The following SERPINE3 variants were observed in gnomAD, a reference collection of about 807,000 sequenced individuals.
SERPINE3 encodes the protein serpin E3.
Under a neutral mutation model 41.7 loss-of-function variants are expected in SERPINE3, and 43 were observed. The ratio of observed to expected loss-of-function variants is 1.03; its 90% confidence interval spans 0.81 to 1.33. SERPINE3 has a LOEUF of 1.33. Ranked by LOEUF, SERPINE3 falls within the 40% of genes most tolerant of loss-of-function variation. SERPINE3 has a pLI of 0.00. For missense variants in SERPINE3, 440 were observed against 491.7 expected (o/e 0.89, Z 0.99); for synonymous variants, 200 against 192.2 (o/e 1.04, Z -0.34).
intron 3 of SERPINE3, among the ~76,000 whole-genome samples, chr13:51,342,673 A>G (rs1385108692): frequency 6.6e-6 from 1 of 152,162 alleles, no homozygotes; most frequent in Non-Finnish European, 1.5e-5. Context: ...CCTGGCCCAG[A>G]GAGGGTGGAA....
intron 3 of SERPINE3, among the ~76,000 whole-genome samples, chr13:51,343,660 G>A (rs1040298343): frequency 6.6e-6 from 1 of 152,180 alleles, no homozygotes; most frequent in Admixed American, 6.5e-5. Flanking sequence ...GGGATGGGAG[G>A]AGTTCTTACT....
At chr13:51,362,148 TAATGCTATAGG>T in intron 9 of SERPINE3, 2 of 1,063,808 alleles carry the variant, frequency 1.9e-6, no homozygotes, top group Non-Finnish European at 2.5e-6. Flanking sequence ...TTTTTTTTTT[TAATGCTATAGG>T]TTTCTACTTC....
In SERPINE3 at chr13:51,347,118, A is replaced by G; in HGVS notation, c.584A>G (p.Gln195Arg). The G allele has an allele frequency of 6.2e-7, 1 of 1,613,064 alleles. No individual in the cohort carries two copies. The highest frequency in any genetic ancestry group is 8.5e-7 in the Non-Finnish European group (1 of 1,179,558). ...GTGCTTGTGAGCACCATGTCCTTCC[A>G]AGGCACTTGGCGAAAGAGATTCTCC... ...QLVLVSTMSF[Q>R]GTWRKRFSST... The change falls in exon 5 of 10, where the codon CAA becomes CGA. Residue 195 changes from glutamine (Q) to arginine (R), a missense_variant. Coordinates refer to ENST00000681248, the MANE Select transcript of SERPINE3 (RefSeq NM_001386375.1).
chr13:51,344,628 G>C (rs896916632), intron 4 of SERPINE3, 143 bp downstream of exon 4: 2 of 669,462 alleles, frequency 3.0e-6, no homozygotes, highest in Non-Finnish European at 5.2e-6. Context: ...TCCTACCCTT[G>C]AATGACAAGG....
chr13:51,354,357 T>C (rs1212382423), intron 6 of SERPINE3: 1 of 152,210 alleles, frequency 6.6e-6, no homozygotes, highest in Non-Finnish European at 1.5e-5. Flanking sequence ...AGGATAATAA[T>C]AACATAGTTA....
intron 7 of SERPINE3, among the ~76,000 whole-genome samples, chr13:51,358,833 T>A (rs1422468590): frequency 6.6e-6 from 1 of 152,012 alleles, no homozygotes; most frequent in East Asian, 1.9e-4. Flanking sequence ...GAATGTTGTA[T>A]TGTAGGAGCA....
rs1566195032 is a variant in SERPINE3, at chr13:51,355,058, T to A, written c.915T>A (p.Asn305Lys). 1 of 1,534,558 alleles carries A rather than the reference T, an allele frequency of 6.5e-7. No homozygotes were observed. The highest frequency in any genetic ancestry group is 2.4e-5 in the East Asian group (1 of 41,268). The part of the protein sequence containing the change: ...DVFLPRFRIQ[N>K]QFNLKSILNS... ...TGCCTTTTAGGTTTAGGATCCAAAA[T>A]CAATTCAACTTAAAAAGCATTTTAA... Residue 305 changes from asparagine to lysine, a missense_variant, in exon 7 of 10, where the codon AAT becomes AAA. Physicochemically the swap from Asn to Lys is moderately conservative, Grantham distance 94. Coordinates refer to ENST00000681248, the MANE Select transcript of SERPINE3 (RefSeq NM_001386375.1).
chr13:51,352,490 G>GTGT (rs1955415046), intron 6 of SERPINE3, among the ~76,000 whole-genome samples: 2 of 151,470 alleles, frequency 1.3e-5, no homozygotes, highest in Non-Finnish European at 2.9e-5. Flanking sequence ...TGTGTGTGTG[G>GTGT]ATTCTTTAGG....
rs992222910 is a variant in SERPINE3 at position 51,357,560 on chromosome 13, C to T, written c.1000+2417C>T. ...TCATTTTACTCAAATTCTCTTTCCC[C>T]ATTTACAAGTCACTTATCTCTTCCT... On this transcript the variant is annotated intron_variant, in intron 7 of 9. Coordinates refer to ENST00000681248, the MANE Select transcript of SERPINE3 (RefSeq NM_001386375.1). 2.6e-5 allele frequency among the ~76,000 whole-genome samples: 4 copies of T among 152,118 alleles called. No homozygotes were observed. The East Asian group carries it at 7.7e-4, about 29-fold the overall frequency.
At chr13:51,343,577 A>G (rs539404261) in intron 3 of SERPINE3, among the ~76,000 whole-genome samples, 2 of 152,356 alleles carry the variant, frequency 1.3e-5, no homozygotes, top group African/African-American at 4.8e-5. Flanking sequence ...AATGCTTATT[A>G]TTTCCTTGAC....
At chr13:51,352,156 G>C (rs1013157428) in intron 6 of SERPINE3, among the ~76,000 whole-genome samples, 3 of 152,008 alleles carry the variant, frequency 2.0e-5, no homozygotes, top group African/African-American at 7.2e-5. Flanking sequence ...ATGCAGGAGG[G>C]ATTTAGACAG....
intron 8 of SERPINE3, 196 bp from the exon 9 acceptor site, chr13:51,361,614 G>A: frequency 1.7e-6 from 1 of 597,876 alleles, no homozygotes; most frequent in Non-Finnish European, 2.9e-6. Flanking sequence ...GGAATGTGTT[G>A]AAAACAGGAG....
At chr13:51,362,338 T>C (rs186014183) in intron 9 of SERPINE3, 17 of 195,874 alleles carry the variant, frequency 8.7e-5, no homozygotes, top group African/African-American at 4.0e-4. Context: ...TGGATTTCTA[T>C]ACTGTTCTGT....
intron 7 of SERPINE3, 150 bp from the exon 8 acceptor site, chr13:51,361,128 A>G: frequency 1.9e-6 from 1 of 524,458 alleles, no homozygotes. Context: ...CAGTAAAAAC[A>G]AAAACAGAAT....
chr13:51,342,484 A>G (rs1955303606), intron 3 of SERPINE3, among the ~76,000 whole-genome samples: 1 of 152,240 alleles, frequency 6.6e-6, no homozygotes, highest in African/African-American at 2.4e-5. Flanking sequence ...GAACACAGTC[A>G]ACCTCCGGCA....
intron 6 of SERPINE3, chr13:51,348,761 G>T: frequency 4.0e-6 from 1 of 247,696 alleles, no homozygotes. Flanking sequence ...TCCCTTGTAG[G>T]AACGTTGCCC....
chr13:51,344,450 T>C lies in SERPINE3; in HGVS notation c.455T>C (p.Ile152Thr), dbSNP rs766266584. Residue 152 changes from isoleucine (I) to threonine (T), a missense_variant, in exon 4 of 10, where the codon ATC becomes ACC. Ile to Thr is a moderately conservative substitution (Grantham distance 89). Coordinates refer to ENST00000681248, the MANE Select transcript of SERPINE3 (RefSeq NM_001386375.1). ...CTCAGTGAGCCCAATAGCACCGCCA[T>C]CCAGACTAGCGAAGGGGCCTCCAGA... is the stretch of plus-strand genomic sequence containing the variant. ...ADLSEPNSTA[I>T]QTSEGASRET... 8 of 1,602,338 alleles carry C rather than the reference T, an allele frequency of 5.0e-6. No individual in the cohort carries two copies. The South Asian group carries it at 7.9e-5, about 16-fold the overall frequency.
rs763886704 is a variant in SERPINE3, at chr13:51,361,820, A to T, written c.1098A>T (p.Leu366Phe). 4 of 1,605,094 alleles carry T rather than the reference A, an allele frequency of 2.5e-6. No individual in the cohort carries two copies. Among genetic ancestry groups the T allele is most frequent in the Non-Finnish European group, 3.4e-6 (4 of 1,176,994 alleles). Residue 366 changes from leucine to phenylalanine, a missense_variant, in exon 9 of 10, where the codon TTA becomes TTT. Physicochemically the swap from Leu to Phe is conservative, Grantham distance 22 (BLOSUM62 0). Coordinates refer to ENST00000681248, the MANE Select transcript of SERPINE3 (RefSeq NM_001386375.1). ...CTTTCTTTCCTGCAGCTCTGTTGTT[A>T]TTGAAAAGGTCTCGGATTCCTATTT... ...TKASGATALL[L>F]LKRSRIPIFK...
At chr13:51,361,001 GC>G in intron 7 of SERPINE3, among the ~76,000 whole-genome samples, 2 of 152,042 alleles carry the variant, frequency 1.3e-5, no homozygotes, top group East Asian at 3.9e-4. Context: ...ATGGGGCAGT[GC>G]TCTGAATATT....
Sources: gnomAD v4.1 joint callset for allele counts (sites outside exome capture counted in the v4.1 genomes callset) on GRCh38, gnomAD v4.1.1 for gene constraint, MANE v1.5 for transcripts, NCBI Gene and HGNC (gene_info 2026-07-23, HGNC 2026-07-21) for gene names.